TENT5D: variants seen among roughly 807,000 people sequenced by gnomAD.
TENT5D encodes terminal nucleotidyltransferase 5D.
For synonymous variants in TENT5D, 103 were observed against 100.6 expected (o/e 1.02, Z -0.15); for missense variants, 191 against 287.0 (o/e 0.67, Z 2.42).
intron 3 of TENT5D, among the ~76,000 whole-genome samples, chrX:80,351,405 A>C (rs1930175819): frequency 9.5e-6 from 1 of 105,594 alleles, no homozygotes; most frequent in South Asian, 4.3e-4. Flanking sequence ...GTTGATCTTC[A>C]GTCTCTGATA....
intron 3 of TENT5D, among the ~76,000 whole-genome samples, chrX:80,372,170 G>A (rs1226784876): frequency 1.8e-5 from 2 of 111,258 alleles, no homozygotes; most frequent in African/African-American, 6.5e-5. Context: ...TTGTCTTTAT[G>A]TGTAAATTAA....
chrX:80,431,585 T>C (rs1217758196), intron 1 of TENT5D, among the ~76,000 whole-genome samples: 1 of 111,952 alleles, frequency 8.9e-6, no homozygotes, highest in East Asian at 2.8e-4. Context: ...CTGGGACACC[T>C]GACAATCATG....
At chrX:80,349,617 A>AT (rs1267372426) in intron 3 of TENT5D, among the ~76,000 whole-genome samples, 4 of 109,555 alleles carry the variant, frequency 3.7e-5, no homozygotes, top group African/African-American at 6.7e-5. Context: ...GGAATCATTG[A>AT]TTTTTTGAAG....
intron 3 of TENT5D, among the ~76,000 whole-genome samples, chrX:80,405,705 T>G: frequency 9.3e-6 from 1 of 107,702 alleles, no homozygotes; most frequent in Admixed American, 9.7e-5. Context: ...CCAGGCTTGC[T>G]TAGGTAAACA....
rs1199173045 is a variant in TENT5D at position 80,374,512 on chromosome X, A to AT, written c.-142+31958dup. ...CAACCTTGCCAGCACTTGTTTGGTG[A>AT]TTTTTTTTTTACTTTTTATCCATTC... On this transcript the variant is annotated intron_variant, in intron 3 of 4. Transcript: ENST00000538312. Among the ~76,000 whole-genome samples, 860 of 106,629 alleles carry AT rather than the reference A, an allele frequency of 8.1e-3. 9 individuals carry two copies. Among genetic ancestry groups the AT allele is most frequent in the African/African-American group, 0.027 (783 of 29,331 alleles). 92.6% of individuals were successfully genotyped at this position (106,629 alleles called of 115,157 possible).
chrX:80,353,485 A>C (rs1282480524), intron 3 of TENT5D, among the ~76,000 whole-genome samples: 1 of 110,798 alleles, frequency 9.0e-6, no homozygotes, highest in Non-Finnish European at 1.9e-5. Flanking sequence ...CTTTGTGTCT[A>C]TGTGTACTCA....
At chrX:80,372,942 A>C (rs1930654838) in intron 3 of TENT5D, among the ~76,000 whole-genome samples, 1 of 109,949 alleles carries the variant, frequency 9.1e-6, no homozygotes, top group Non-Finnish European at 1.9e-5. Context: ...ATATTACCAA[A>C]GTTACAAAGC....
chrX:80,352,551 G>T (rs1393317440), intron 3 of TENT5D, among the ~76,000 whole-genome samples: 1 of 109,424 alleles, frequency 9.1e-6, no homozygotes. Flanking sequence ...AGACTGCTTT[G>T]CTGGCAACAA....
chrX:80,350,476 C>CT (rs1192616694), intron 3 of TENT5D, among the ~76,000 whole-genome samples: 2 of 110,095 alleles, frequency 1.8e-5, no homozygotes, highest in Admixed American at 9.8e-5. Flanking sequence ...GCCACCACTG[C>CT]TTTTTTTTGC....
Position 80,387,352 on chromosome X carries a change from G to A in TENT5D, c.-142+44788G>A, listed in dbSNP as rs1416893403. On this transcript the variant is annotated intron_variant, in intron 3 of 4. Transcript: ENST00000538312. ...GTATTTATTGTAGTCTTCATCGTGT[G>A]GGCTCATTTGTATCTATCCTCCATG... Among the ~76,000 whole-genome samples the A allele has an allele frequency of 2.7e-5, 3 of 111,677 alleles. No individual in the cohort carries two copies. In the Admixed American group the frequency reaches 2.9e-4, roughly 11 times the overall value.
At chrX:80,370,816 G>T (rs1042600436) in intron 3 of TENT5D, among the ~76,000 whole-genome samples, 47 of 111,675 alleles carry the variant, frequency 4.2e-4, no homozygotes, top group Non-Finnish European at 4.1e-4. Context: ...TCTAGGACTT[G>T]AGGGTCTAAT....
chrX:80,432,347 G>A (rs1251652706), intron 1 of TENT5D, among the ~76,000 whole-genome samples: 1 of 111,105 alleles, frequency 9.0e-6, no homozygotes, highest in Non-Finnish European at 1.9e-5. Flanking sequence ...TGACAGCTAG[G>A]TCCTTTGTGA....
intron 3 of TENT5D, among the ~76,000 whole-genome samples, chrX:80,352,009 T>G (rs1157101598): frequency 8.9e-6 from 1 of 111,887 alleles, no homozygotes; most frequent in African/African-American, 3.2e-5. Context: ...GCCTGTTCCT[T>G]TCTCTGGAAG....
intron 3 of TENT5D, among the ~76,000 whole-genome samples, chrX:80,345,814 A>G (rs1930047523): frequency 9.0e-6 from 1 of 111,207 alleles, no homozygotes; most frequent in Non-Finnish European, 1.9e-5. Flanking sequence ...TAGAGCTTAC[A>G]ATGGTAATCT....
At chrX:80,400,445 A>G (rs763549239) in intron 3 of TENT5D, among the ~76,000 whole-genome samples, 2 of 111,784 alleles carry the variant, frequency 1.8e-5, no homozygotes, top group South Asian at 7.5e-4. Context: ...GTTTACACCT[A>G]AAATGAAGCC....
intron 3 of TENT5D, among the ~76,000 whole-genome samples, chrX:80,395,633 T>C (rs1034634280): frequency 8.1e-5 from 9 of 111,262 alleles, no homozygotes; most frequent in Non-Finnish European, 1.7e-4. Flanking sequence ...ATACATATAA[T>C]TTATAGTGAT....
intron 3 of TENT5D, among the ~76,000 whole-genome samples, chrX:80,406,039 C>G (rs1256102651): frequency 9.2e-6 from 1 of 108,626 alleles, no homozygotes; most frequent in African/African-American, 3.4e-5. Context: ...AGCTGAGGGT[C>G]CTGTCTGTTA....
intron 3 of TENT5D, among the ~76,000 whole-genome samples, chrX:80,394,915 A>C (rs1931212897): frequency 9.0e-6 from 1 of 111,387 alleles, no homozygotes; most frequent in Non-Finnish European, 1.9e-5. Context: ...TATGCAATAC[A>C]TTATCGTTAA....
At chrX:80,356,384 G>A (rs888640266) in intron 3 of TENT5D, among the ~76,000 whole-genome samples, 2 of 111,550 alleles carry the variant, frequency 1.8e-5, no homozygotes, top group African/African-American at 3.3e-5. Flanking sequence ...ACAAAATGAC[G>A]AGTGTAAAAT....
Sources: allele counts gnomAD v4.1 joint callset (sites outside exome capture counted in the v4.1 genomes callset), GRCh38; gene constraint gnomAD v4.1.1; transcripts MANE v1.5; gene names NCBI Gene and HGNC (gene_info 2026-07-23, HGNC 2026-07-21).